Variants in OPCML observed in about 807,000 individuals in gnomAD.
OPCML encodes the protein opioid binding protein/cell adhesion molecule like.
A neutral mutation model predicts 37.8 loss-of-function variants in OPCML; 13 were observed. The ratio of observed to expected loss-of-function variants is 0.34; its 90% confidence interval spans 0.22 to 0.55. The LOEUF (loss-of-function observed/expected upper bound fraction) is 0.55. OPCML is among the 20% of genes least tolerant of loss of function. The probability of loss-of-function intolerance (pLI) is 0.91; values close to 1 mark genes in which losing one functional copy is unlikely to be tolerated. For synonymous variants in OPCML, 176 were observed against 168.8 expected (o/e 1.04, Z -0.33); for missense variants, 341 against 435.6 (o/e 0.78, Z 1.93).
At chr11:133,282,189 CT>C (rs1015846646) in intron 1 of OPCML, among the ~76,000 whole-genome samples, 3 of 152,146 alleles carry the variant, frequency 2.0e-5, no homozygotes, top group African/African-American at 7.2e-5. Flanking sequence ...TTTCGAAAGT[CT>C]TTGGAACGGC....
chr11:133,089,890 C>T (rs890534842), intron 1 of OPCML, among the ~76,000 whole-genome samples: 3 of 152,166 alleles, frequency 2.0e-5, no homozygotes, highest in Admixed American at 6.5e-5. Context: ...GCACATGCCA[C>T]GTACTTTGGC....
At chr11:132,721,950 C>CTTTTTT (rs34325848) in intron 2 of OPCML, among the ~76,000 whole-genome samples, 80 of 82,762 alleles carry the variant, frequency 9.7e-4, no homozygotes, top group Non-Finnish European at 1.1e-3. Context: ...CTTTCCTTCC[C>CTTTTTT]TTTTTTTTTT....
At chr11:133,169,091 T>G (rs1318311765) in intron 1 of OPCML, among the ~76,000 whole-genome samples, 1 of 152,160 alleles carries the variant, frequency 6.6e-6, no homozygotes, top group African/African-American at 2.4e-5. Context: ...ATCGCGCCAT[T>G]GCACTCCAGC....
At chr11:132,687,416 ATATATATATATATT>A (rs1565776307) in intron 2 of OPCML, among the ~76,000 whole-genome samples, 2 of 72,714 alleles carry the variant, frequency 2.8e-5, no homozygotes, top group East Asian at 4.3e-4. Context: ...ATATATATAT[ATATATATATATATT>A]TAATCTGTAT....
chr11:133,508,595 G>A lies in OPCML; in HGVS notation c.61+23669C>T, dbSNP rs115928110. The stretch of plus-strand genomic sequence containing the variant: ...GCCCACAGGAATCATCTGGGCTGCC[G>A]CAGGCAATGCTCCCTCTGGCCTCAT... On this transcript the variant is annotated intron_variant, in intron 1 of 7. Transcript: ENST00000524381. Among the ~76,000 whole-genome samples the A allele has an allele frequency of 7.2e-3, 1,091 of 152,282 alleles. 19 individuals are homozygous for A. Among genetic ancestry groups the A allele is most frequent in the African/African-American group, 0.025 (1,021 of 41,562 alleles).
intron 1 of OPCML, among the ~76,000 whole-genome samples, chr11:133,352,914 C>A (rs182125937): frequency 8.2e-4 from 125 of 152,318 alleles, no homozygotes; most frequent in African/African-American, 2.9e-3. Context: ...TGTTTCCTCA[C>A]CTGCTAAATA....
chr11:133,318,596 G>A (rs937166552), intron 1 of OPCML, among the ~76,000 whole-genome samples: 7 of 152,144 alleles, frequency 4.6e-5, no homozygotes, highest in Admixed American at 3.9e-4. Context: ...TCCCTATTGT[G>A]AGAGTCCTTC....
intron 1 of OPCML, among the ~76,000 whole-genome samples, chr11:133,272,047 C>G (rs1941853872): frequency 6.6e-6 from 1 of 152,160 alleles, no homozygotes; most frequent in South Asian, 2.1e-4. Flanking sequence ...GGTGCAAGCT[C>G]TCTGAGCACA....
intron 3 of OPCML, among the ~76,000 whole-genome samples, chr11:132,544,904 G>T (rs1031197622): frequency 3.6e-4 from 55 of 152,258 alleles, no homozygotes; most frequent in African/African-American, 1.2e-3. Flanking sequence ...TAGGAGCATG[G>T]CCTTGAGAAG....
At chr11:132,495,985 C>T (rs544389227) in intron 4 of OPCML, among the ~76,000 whole-genome samples, 2 of 151,904 alleles carry the variant, frequency 1.3e-5, no homozygotes, top group East Asian at 1.9e-4. Context: ...TTTTGTGCTA[C>T]GACAGGTGCT....
intron 3 of OPCML, among the ~76,000 whole-genome samples, chr11:132,599,358 AGAAGG>A (rs1157744122): frequency 7.5e-6 from 1 of 134,138 alleles, no homozygotes. Context: ...AAGAAGGAGG[AGAAGG>A]AGGAGGAGGA....
At chr11:132,528,016 A>G (rs1940019) in intron 4 of OPCML, among the ~76,000 whole-genome samples, 116,061 of 152,008 alleles carry the variant, frequency 0.76, 45,587 homozygotes, top group Middle Eastern at 0.87. Context: ...TCTCCCTCAG[A>G]CTCTTGAAAG....
At chr11:132,468,647 T>G (rs1485378044) in intron 4 of OPCML, among the ~76,000 whole-genome samples, 3 of 152,248 alleles carry the variant, frequency 2.0e-5, no homozygotes, top group Non-Finnish European at 4.4e-5. Flanking sequence ...TGAGGTAGTT[T>G]CAGGTTAATG....
chr11:133,445,759 A>G (rs1426978987), intron 1 of OPCML, among the ~76,000 whole-genome samples: 1 of 152,240 alleles, frequency 6.6e-6, no homozygotes, highest in Non-Finnish European at 1.5e-5. Context: ...TCCAGAGTAC[A>G]TTTTAAGCAA....
At chr11:133,328,130 T>C (rs1438212392) in intron 1 of OPCML, among the ~76,000 whole-genome samples, 1 of 151,988 alleles carries the variant, frequency 6.6e-6, no homozygotes, top group Non-Finnish European at 1.5e-5. Context: ...AGAATAATGA[T>C]ATTATAAACC....
chr11:133,388,986 G>T (rs937294900), intron 1 of OPCML, among the ~76,000 whole-genome samples: 1 of 152,168 alleles, frequency 6.6e-6, no homozygotes, highest in East Asian at 1.9e-4. Flanking sequence ...GGAAACTGAG[G>T]CACACAGGTT....
chr11:132,797,863 G>A lies in OPCML; in HGVS notation c.147-140544C>T, dbSNP rs149204823. ...ATGTTGATGGCTGCTGACTGATCAGGGTGGTGGTTGCTGAAGGTTGGGGTG... is the reference window on the plus strand; with the variant it reads ...ATGTTGATGGCTGCTGACTGATCAGAGTGGTGGTTGCTGAAGGTTGGGGTG... On this transcript the variant is annotated intron_variant, in intron 2 of 7. Coordinates refer to ENST00000524381, the MANE Select transcript of OPCML (RefSeq NM_001012393.5). Among the ~76,000 whole-genome samples the A allele has an allele frequency of 2.4e-4, 37 of 152,230 alleles. No homozygotes were observed. The East Asian group carries it at 2.7e-3, about 11-fold the overall frequency.
intron 4 of OPCML, among the ~76,000 whole-genome samples, chr11:132,503,357 G>A (rs551288132): frequency 1.3e-5 from 2 of 152,240 alleles, no homozygotes; most frequent in South Asian, 2.1e-4. Flanking sequence ...GTCAGTGCAC[G>A]TAGTAATTAC....
chr11:133,206,807 C>T lies in OPCML; in HGVS notation c.62-263797G>A, dbSNP rs527749849. On this transcript the variant is annotated intron_variant, in intron 1 of 7. Coordinates refer to ENST00000524381, the MANE Select transcript of OPCML (RefSeq NM_001012393.5). This position sits in a 1 kb window ranked among gnomAD's most constrained non-coding sequence, Gnocchi z 4.7. ...TCCGCAGGTTTGTGAATGGATGCAG[C>T]ACCCACGCTTACCCTCCACACTCTC... 6.6e-6 allele frequency among the ~76,000 whole-genome samples: 1 copy of T among 152,180 alleles called. No homozygotes were observed. Among genetic ancestry groups the T allele is most frequent in the Non-Finnish European group, 1.5e-5 (1 of 68,030 alleles).
Sources: gnomAD v4.1 joint callset for allele counts (sites outside exome capture counted in the v4.1 genomes callset) on GRCh38, gnomAD v4.1.1 for gene constraint, Gnocchi (gnomAD v3.1) non-coding constraint, MANE v1.5 for transcripts, NCBI Gene and HGNC (gene_info 2026-07-23, HGNC 2026-07-21) for gene names.